The following RHBDD1 variants were observed in gnomAD, a reference collection of about 807,000 sequenced individuals.
RHBDD1 encodes the protein rhomboid-related protein 4.
In RHBDD1, 38 loss-of-function variants were observed where a neutral mutation model predicts 36.3. The ratio of observed to expected loss-of-function variants is 1.05; its 90% CI spans 0.81 to 1.37. RHBDD1 has a LOEUF of 1.37. RHBDD1 is among the 40% of genes most tolerant of loss of function. RHBDD1 has a pLI of 0.00. For missense variants in RHBDD1, 393 were observed against 377.6 expected (o/e 1.04, Z -0.34); for synonymous variants, 151 against 136.5 (o/e 1.11, Z -0.74).
chr2:226,873,693 C>G (rs1017379862), intron 5 of RHBDD1, among the ~76,000 whole-genome samples: 4 of 152,014 alleles, frequency 2.6e-5, no homozygotes, highest in African/African-American at 9.7e-5. Flanking sequence ...ACGGAGAAAG[C>G]TGTGAGAATA....
chr2:226,842,339 G>A (rs1010951317), intron 3 of RHBDD1, among the ~76,000 whole-genome samples: 1 of 152,048 alleles, frequency 6.6e-6, no homozygotes, highest in African/African-American at 2.4e-5. Context: ...ATTGCTTTTG[G>A]TGTTTTCATC....
intron 8 of RHBDD1, among the ~76,000 whole-genome samples, chr2:226,938,731 C>CA (rs1303048085): frequency 3.3e-5 from 5 of 149,798 alleles, no homozygotes; most frequent in Admixed American, 6.6e-5. Context: ...GAAACTATTA[C>CA]AAAAAAATGA....
chr2:226,896,890 TC>T (rs1429254484), intron 5 of RHBDD1, among the ~76,000 whole-genome samples: 1 of 152,002 alleles, frequency 6.6e-6, no homozygotes, highest in African/African-American at 2.4e-5. Flanking sequence ...ACAACCTCTG[TC>T]CCCGGGGTTC....
At chr2:226,978,315 A>G (rs1486749899) in intron 8 of RHBDD1, among the ~76,000 whole-genome samples, 2 of 152,088 alleles carry the variant, frequency 1.3e-5, no homozygotes, top group African/African-American at 2.4e-5. Flanking sequence ...CTAGCCCCCC[A>G]TTAAAAATCT....
chr2:226,950,158 T>A (rs190786517), intron 8 of RHBDD1, among the ~76,000 whole-genome samples: 4 of 152,326 alleles, frequency 2.6e-5, no homozygotes, highest in African/African-American at 9.6e-5. Context: ...CATAGATAGA[T>A]CTCTGTCTAA....
Position 226,985,887 on chromosome 2 carries a change from C to T in RHBDD1, c.857-9544C>T, listed in dbSNP as rs190781691. Among the ~76,000 whole-genome samples the T allele has an allele frequency of 1.6e-3, 250 of 152,370 alleles. 1 individual carries two copies. Among genetic ancestry groups the T allele is most frequent in the African/African-American group, 5.4e-3 (224 of 41,588 alleles). ...TACCTCTTCCAGTTTATCCAGGTAA[C>T]TCTTAGTGGCAAAGGCCAAAGCTTT... On this transcript the variant is annotated intron_variant, in intron 8 of 8. Coordinates refer to ENST00000392062, the MANE Select transcript of RHBDD1 (RefSeq NM_001167608.3).
intron 8 of RHBDD1, among the ~76,000 whole-genome samples, chr2:226,981,152 G>A (rs891535634): frequency 6.6e-6 from 1 of 152,124 alleles, no homozygotes; most frequent in Non-Finnish European, 1.5e-5. Context: ...TCACTCATAG[G>A]TGGAAATTGA....
chr2:226,842,283 CT>C (rs1941730177), intron 3 of RHBDD1, among the ~76,000 whole-genome samples: 1 of 152,090 alleles, frequency 6.6e-6, no homozygotes, highest in Non-Finnish European at 1.5e-5. Context: ...TGCAGAAGCT[CT>C]TTAGTTTAAT....
chr2:226,943,077 A>C (rs1459630683), intron 8 of RHBDD1, among the ~76,000 whole-genome samples: 1 of 152,324 alleles, frequency 6.6e-6, no homozygotes, highest in Non-Finnish European at 1.5e-5. Flanking sequence ...CATTTATTAT[A>C]CAGTCACAAA....
At chr2:226,918,570 C>T (rs1949084310) in intron 8 of RHBDD1, among the ~76,000 whole-genome samples, 2 of 152,016 alleles carry the variant, frequency 1.3e-5, no homozygotes, top group South Asian at 2.1e-4. Flanking sequence ...CAAAATTTGT[C>T]TTTCTGTGCC....
At chr2:226,885,202 A>G (rs951249515) in intron 5 of RHBDD1, among the ~76,000 whole-genome samples, 5 of 152,150 alleles carry the variant, frequency 3.3e-5, no homozygotes, top group Admixed American at 6.5e-5. Flanking sequence ...TTTTGATTAA[A>G]TGGGAATTTA....
chr2:226,892,322 C>T (rs1259407227), intron 5 of RHBDD1, among the ~76,000 whole-genome samples: 1 of 152,068 alleles, frequency 6.6e-6, no homozygotes, highest in Non-Finnish European at 1.5e-5. Context: ...TTTATTCATA[C>T]CAGATTTAAC....
intron 8 of RHBDD1, chr2:226,942,609 C>A: frequency 3.8e-6 from 1 of 262,002 alleles, no homozygotes; most frequent in Non-Finnish European, 7.7e-6. Flanking sequence ...TAATTCTTTG[C>A]TAAATTAAAA....
At chr2:226,874,878 G>A (rs1039785357) in intron 5 of RHBDD1, among the ~76,000 whole-genome samples, 2 of 152,150 alleles carry the variant, frequency 1.3e-5, no homozygotes, top group Non-Finnish European at 2.9e-5. Flanking sequence ...CAGCCTGTGC[G>A]TGTGCGCCTC....
chr2:226,958,546 G>A (rs936801883), intron 8 of RHBDD1, among the ~76,000 whole-genome samples: 3 of 152,134 alleles, frequency 2.0e-5, no homozygotes, highest in African/African-American at 7.2e-5. Context: ...GTGTAGTATA[G>A]AAATGAAATC....
intron 8 of RHBDD1, among the ~76,000 whole-genome samples, chr2:226,940,150 A>G (rs1234778812): frequency 6.6e-6 from 1 of 152,166 alleles, no homozygotes; most frequent in South Asian, 2.1e-4. Flanking sequence ...AAAACCAAAA[A>G]CTGTAAAAAC....
chr2:226,813,961 AT>A, the RHBDD1 span, among the ~76,000 whole-genome samples: 220 of 152,198 alleles, frequency 1.4e-3, 5 homozygotes, highest in African/African-American at 5.2e-3. Context: ...AACCTATTTT[AT>A]TTTTCTTAAA....
At chr2:226,979,860 C>G (rs770269552) in intron 8 of RHBDD1, among the ~76,000 whole-genome samples, 2 of 152,218 alleles carry the variant, frequency 1.3e-5, no homozygotes, top group Non-Finnish European at 2.9e-5. Flanking sequence ...AGGCACTGGT[C>G]TAGGCCCATG....
intron 8 of RHBDD1, among the ~76,000 whole-genome samples, chr2:226,936,782 A>T (rs1950358139): frequency 6.6e-6 from 1 of 152,144 alleles, no homozygotes; most frequent in Non-Finnish European, 1.5e-5. Flanking sequence ...GCGGTTAAGT[A>T]CTGTAGGCTA....
Sources: allele counts gnomAD v4.1 joint callset (sites outside exome capture counted in the v4.1 genomes callset), GRCh38; gene constraint gnomAD v4.1.1; transcripts MANE v1.5; gene names NCBI Gene and HGNC (gene_info 2026-07-23, HGNC 2026-07-21).